The following PCDHA7 variants were observed in gnomAD, a reference collection of about 807,000 sequenced individuals.
The protein encoded by PCDHA7 is protocadherin alpha 7, also known as protocadherin alpha-7.
In PCDHA7, 37 loss-of-function variants were observed where a neutral mutation model predicts 57.2. The observed-to-expected ratio is 0.65, with a 90% CI of 0.50 to 0.85. The LOEUF (loss-of-function observed/expected upper bound fraction) is 0.85, where lower values mean the gene tolerates loss of function less well. Among genes scored for constraint, PCDHA7 ranks in the 40% least tolerant of loss-of-function variants. PCDHA7 has a pLI of 0.00. For missense variants in PCDHA7, 1,188 were observed against 1,241.8 expected, an observed-to-expected ratio of 0.96 and a Z score of 0.65; for synonymous variants, 553 against 558.8, an observed-to-expected ratio of 0.99 and a Z score of 0.15.
In PCDHA7 at chr5:140,834,741, G is replaced by A. The variant is rs1773242914; in HGVS notation, c.358G>A (p.Asp120Asn). The A allele has an allele frequency of 4.3e-6, 7 of 1,614,122 alleles. No individual in the cohort carries two copies. ...VERPLQVFHV[D>N]VEVKDINDNP... Reference sequence around the variant, plus strand: ...AAGGCCGCTGCAGGTTTTCCATGTGGACGTGGAGGTGAAGGACATTAACGA... The same window carrying A: ...AAGGCCGCTGCAGGTTTTCCATGTGAACGTGGAGGTGAAGGACATTAACGA... The change falls in exon 1 of 4, where the codon GAC becomes AAC. Residue 120 changes from aspartate (D) to asparagine (N), a missense_variant. This residue lies in a region of PCDHA7 where 194 missense variants were observed against 185.8 expected (regional missense o/e 1.04). Coordinates refer to ENST00000525929, the MANE Select transcript of PCDHA7 (RefSeq NM_018910.3).
At chr5:140,998,247 T>C (rs2097802911) in intron 3 of PCDHA7, among the ~76,000 whole-genome samples, 1 of 152,216 alleles carries the variant, frequency 6.6e-6, no homozygotes, top group Non-Finnish European at 1.5e-5. Flanking sequence ...ATTATACTCA[T>C]TTTACTGCTA....
chr5:140,947,194 G>A (rs2094102779), intron 1 of PCDHA7, among the ~76,000 whole-genome samples: 1 of 151,018 alleles, frequency 6.6e-6, no homozygotes, highest in Admixed American at 6.6e-5. Context: ...ATACTACACA[G>A]CCTTAAAAAA....
intron 1 of PCDHA7, chr5:140,870,835 A>G (rs1304748663): frequency 1.9e-6 from 3 of 1,613,670 alleles, no homozygotes; most frequent in Admixed American, 3.3e-5. Context: ...CGCAGTTAAC[A>G]AGCTAGTACC....
At chr5:140,859,230 G>A (rs1168816968) in intron 1 of PCDHA7, 2 of 149,852 alleles carry the variant, frequency 1.3e-5, no homozygotes, top group Non-Finnish European at 3.0e-5. Context: ...TAAGGAAGGA[G>A]TCATGCTTAT....
intron 1 of PCDHA7, among the ~76,000 whole-genome samples, chr5:140,907,507 T>C (rs1358466312): frequency 2.0e-5 from 3 of 152,230 alleles, no homozygotes; most frequent in Admixed American, 6.5e-5. Context: ...TAAGTGTCTA[T>C]TCCAGTGAGG....
chr5:140,862,575 G>T (rs1272278191), intron 1 of PCDHA7: 3 of 486,640 alleles, frequency 6.2e-6, no homozygotes, highest in Non-Finnish European at 1.3e-5. Context: ...ATGCCCTGGC[G>T]TTCCAGCAGC....
At chr5:140,858,285 G>C in intron 1 of PCDHA7, 1 of 1,597,520 alleles carries the variant, frequency 6.3e-7, no homozygotes, top group Non-Finnish European at 8.6e-7. Context: ...GTGGGGAGCT[G>C]GTCTTACTCG....
At chr5:141,009,584 AT>A in intron 3 of PCDHA7, 42 bp from the exon 4 acceptor site, 1 of 1,592,004 alleles carries the variant, frequency 6.3e-7, no homozygotes, top group Non-Finnish European at 8.6e-7. Flanking sequence ...CATCAAGAGC[AT>A]GTGTTGACCC....
intron 3 of PCDHA7, among the ~76,000 whole-genome samples, chr5:140,985,991 A>G (rs575854221): frequency 2.7e-4 from 41 of 152,022 alleles, no homozygotes; most frequent in African/African-American, 9.2e-4. Context: ...CGCCCACCTC[A>G]GCCTCCCAAA....
At position 140,876,825 on chromosome 5, in the gene PCDHA7, T is replaced by C. The variant is rs200732511; in HGVS notation, c.2355+40087T>C. ...TGGAGGTGGCCGACGTGAACGACAA[T>C]GCGCCTGCGTTCGCGCAGCCCGAGT... On this transcript the variant is annotated intron_variant, in intron 1 of 3. Transcript: ENST00000525929. The C allele has an allele frequency of 2.4e-4, 380 of 1,614,056 alleles. 4 individuals carry two copies. The East Asian group carries it at 3.4e-3, about 15-fold the overall frequency.
At chr5:140,929,112 C>T in intron 1 of PCDHA7, 6 of 1,614,130 alleles carry the variant, frequency 3.7e-6, no homozygotes, top group Non-Finnish European at 5.1e-6. Context: ...TGACATCAGC[C>T]ACCATAGATG....
rs782733393 is a variant in PCDHA7 at position 140,875,889 on chromosome 5, G to T, written c.2355+39151G>T. The T allele has an allele frequency of 4.8e-5, 78 of 1,614,056 alleles. No homozygotes were observed. The highest frequency in any genetic ancestry group is 5.8e-5 in the Non-Finnish European group (69 of 1,180,042). On this transcript the variant is annotated intron_variant, in intron 1 of 3. Coordinates refer to ENST00000525929, the MANE Select transcript of PCDHA7 (RefSeq NM_018910.3). ...CGGTGTTCAGAGAAAGGGAACAAAA[G>T]GTACCTGTTTCTGAATCTGCGCCTC...
At chr5:140,870,660 G>A (rs782219391) in intron 1 of PCDHA7, 3 of 1,612,516 alleles carry the variant, frequency 1.9e-6, no homozygotes, top group Non-Finnish European at 2.5e-6. Context: ...TGTACGCGCT[G>A]CAGCCGTTGG....
At position 140,834,770 on chromosome 5, in the gene PCDHA7, C is replaced by A. The variant is rs2150226024; in HGVS notation, c.387C>A (p.Asn129Lys). The change falls in exon 1 of 4, where the codon AAC becomes AAA. Residue 129 changes from asparagine (N) to lysine (K), a missense_variant. Transcript: ENST00000525929. ...VDVEVKDINDNPPVFPATQRN... is the reference protein window; with the variant it reads ...VDVEVKDINDKPPVFPATQRN... ...TGGAGGTGAAGGACATTAACGACAA[C>A]CCTCCGGTGTTCCCAGCGACACAAA... 11 of 1,613,922 alleles carry A rather than the reference C, an allele frequency of 6.8e-6. No individual in the cohort carries two copies. The highest frequency in any genetic ancestry group is 3.3e-4 in the Middle Eastern group (2 of 6,084).
At chr5:140,977,865 G>C (rs2096778412) in intron 1 of PCDHA7, among the ~76,000 whole-genome samples, 4 of 152,172 alleles carry the variant, frequency 2.6e-5, no homozygotes, top group Non-Finnish European at 5.9e-5. Flanking sequence ...ACCAAATATG[G>C]TAAGTATAAT....
At position 140,842,609 on chromosome 5, in the gene PCDHA7, G is replaced by C. The variant is rs534936483; in HGVS notation, c.2355+5871G>C. The stretch of plus-strand genomic sequence containing the variant: ...TGAGTTGGTGGTAACCGCGCGGGAC[G>C]GGGGCTCGCCTTCGCTGTGGGCCAC... On this transcript the variant is annotated intron_variant, in intron 1 of 3. Coordinates refer to ENST00000525929, the MANE Select transcript of PCDHA7 (RefSeq NM_018910.3). 11 of 1,595,750 alleles carry C rather than the reference G, an allele frequency of 6.9e-6. 2 individuals are homozygous for C. Among genetic ancestry groups the C allele is most frequent in the Non-Finnish European group, 7.7e-6 (9 of 1,165,644 alleles).
At position 140,884,316 on chromosome 5, in the gene PCDHA7, C is replaced by T. The variant is rs563652109; in HGVS notation, c.2355+47578C>T. The T allele has an allele frequency of 3.1e-6, 5 of 1,613,752 alleles. No individual in the cohort carries two copies. The East Asian group carries it at 8.9e-5, about 29-fold the overall frequency. On this transcript the variant is annotated intron_variant, in intron 1 of 3. Coordinates refer to ENST00000525929, the MANE Select transcript of PCDHA7 (RefSeq NM_018910.3). ...GCGCCACAGGCTTCGTCGAGGGCGT[C>T]GGCAGGCGCTGTGGGTCCAGAAGCG...
intron 1 of PCDHA7, chr5:140,929,155 C>G: frequency 6.2e-7 from 1 of 1,614,156 alleles, no homozygotes; most frequent in Non-Finnish European, 8.5e-7. Flanking sequence ...TCAGACTTAT[C>G]TCTATCGGGC....
intron 3 of PCDHA7, among the ~76,000 whole-genome samples, chr5:141,006,862 A>G (rs1188678069): frequency 4.6e-5 from 7 of 152,244 alleles, no homozygotes; most frequent in Non-Finnish European, 1.0e-4. Flanking sequence ...TTAGAAAGGA[A>G]TAGATTCGAG....
Sources: gnomAD v4.1 joint callset for allele counts (sites outside exome capture counted in the v4.1 genomes callset) on GRCh38, gnomAD v4.1.1 for gene constraint, gnomAD v4.1.1 regional missense constraint, MANE v1.5 for transcripts, NCBI Gene and HGNC (gene_info 2026-07-23, HGNC 2026-07-21) for gene names.